ANKRD30B: variants seen among roughly 807,000 people sequenced by gnomAD.
The protein encoded by ANKRD30B is ankyrin repeat domain-containing protein 30B.
In ANKRD30B, 144 loss-of-function variants were observed where a neutral mutation model predicts 202.2. That is an observed-to-expected ratio of 0.71 (90% CI 0.62 to 0.82). The LOEUF (loss-of-function observed/expected upper bound fraction) is 0.82. ANKRD30B is among the 40% of genes least tolerant of loss of function. ANKRD30B has a pLI of 0.00. For missense variants in ANKRD30B, 1,487 were observed against 1,669.1 expected, an observed-to-expected ratio of 0.89 and a Z score of 1.90; for synonymous variants, 508 against 561.3, an observed-to-expected ratio of 0.91 and a Z score of 1.34.
At chr18:14,924,952 T>C in the ANKRD30B span, among the ~76,000 whole-genome samples, 1 of 152,358 alleles carries the variant, frequency 6.6e-6, no homozygotes, top group South Asian at 2.1e-4. Flanking sequence ...AACCTTGCTG[T>C]GCCTTGCTTT....
At chr18:14,822,548 A>T (rs867749286) in intron 31 of ANKRD30B, 37 bp downstream of exon 31, 1 of 1,028,248 alleles carries the variant, frequency 9.7e-7, no homozygotes, top group South Asian at 1.3e-5. Context: ...AATATTAACT[A>T]CTTATTTTAT....
At chr18:14,898,718 G>A in the ANKRD30B span, among the ~76,000 whole-genome samples, 1 of 152,142 alleles carries the variant, frequency 6.6e-6, no homozygotes, top group African/African-American at 2.4e-5. Flanking sequence ...TTAATTGTAG[G>A]TTACCAGTTT....
chr18:14,790,199 A>G (rs1269611188), intron 15 of ANKRD30B, among the ~76,000 whole-genome samples: 1 of 151,962 alleles, frequency 6.6e-6, no homozygotes, highest in Non-Finnish European at 1.5e-5. Context: ...TTTGTCTGTT[A>G]TTGGTGTGTA....
intron 10 of ANKRD30B, among the ~76,000 whole-genome samples, 183 bp downstream of exon 10, chr18:14,778,258 A>T (rs1967506649): frequency 1.3e-5 from 2 of 152,154 alleles, no homozygotes; most frequent in African/African-American, 4.8e-5. Context: ...AGTGCCAAAA[A>T]AGAGCTGAAT....
chr18:14,760,796 T>G (rs1486837603), intron 6 of ANKRD30B, among the ~76,000 whole-genome samples, 178 bp downstream of exon 6: 2 of 152,116 alleles, frequency 1.3e-5, no homozygotes, highest in African/African-American at 2.4e-5. Context: ...TTTTTTAAAT[T>G]TATTATTCAG....
chr18:14,889,439 C>T, the ANKRD30B span, among the ~76,000 whole-genome samples: 1 of 152,128 alleles, frequency 6.6e-6, no homozygotes, highest in Admixed American at 6.6e-5. Flanking sequence ...CTGTTCCAGG[C>T]ATTATACTGA....
At chr18:14,913,747 G>A in the ANKRD30B span, among the ~76,000 whole-genome samples, 1 of 152,178 alleles carries the variant, frequency 6.6e-6, no homozygotes, top group South Asian at 2.1e-4. Context: ...GTGATGGGGT[G>A]AGGGTTTGTC....
rs563060077 is a variant in ANKRD30B at position 14,851,750 on chromosome 18, T to C, written c.3806T>C (p.Val1269Ala). ...RASQYREQLK[V>A]LTAENTMLTS... ...TCTCAGTATAGAGAGCAGCTTAAAG[T>C]TCTGACGGCAGAGAACACGATGCTG... The change falls in exon 42 of 44, where the codon GTT becomes GCT. Residue 1269 changes from valine to alanine, a missense_variant. This residue lies in a region of ANKRD30B where 21 missense variants were observed against 57.2 expected (regional missense o/e 0.37). Transcript: ENST00000690538. 144 of 1,586,144 alleles carry C rather than the reference T, an allele frequency of 9.1e-5. No individual in the cohort carries two copies. Among genetic ancestry groups the C allele is most frequent in the Non-Finnish European group, 1.1e-4 (131 of 1,165,100 alleles).
At chr18:14,889,891 G>A in the ANKRD30B span, 1 of 506,830 alleles carries the variant, frequency 2.0e-6, no homozygotes, top group African/African-American at 2.0e-5. Context: ...TTACACAGTT[G>A]GAGATAAATT....
At chr18:14,931,390 C>G in the ANKRD30B span, among the ~76,000 whole-genome samples, 1 of 152,164 alleles carries the variant, frequency 6.6e-6, no homozygotes, top group Non-Finnish European at 1.5e-5. Flanking sequence ...TGTCAAACAC[C>G]CATTTCTGTT....
chr18:14,929,477 G>T, the ANKRD30B span, among the ~76,000 whole-genome samples: 6 of 152,268 alleles, frequency 3.9e-5, no homozygotes, highest in South Asian at 4.1e-4. Flanking sequence ...GCCTACACGA[G>T]GCCCTTATTC....
At chr18:14,790,957 G>A (rs12326166) in intron 15 of ANKRD30B, among the ~76,000 whole-genome samples, 77,205 of 151,906 alleles carry the variant, frequency 0.51, 19,817 homozygotes, top group Non-Finnish European at 0.53. Flanking sequence ...AATAGTTTCA[G>A]AACGAATGGT....
At chr18:14,846,700 T>G (rs1971652928) in intron 39 of ANKRD30B, among the ~76,000 whole-genome samples, 1 of 152,104 alleles carries the variant, frequency 6.6e-6, no homozygotes, top group African/African-American at 2.4e-5. Context: ...CTGGTAATGT[T>G]TTTGCTGTGA....
chr18:14,833,396 CCG>C (rs1971039252), intron 34 of ANKRD30B, among the ~76,000 whole-genome samples: 1 of 151,094 alleles, frequency 6.6e-6, no homozygotes, highest in Non-Finnish European at 1.5e-5. Flanking sequence ...CTACAGGCAT[CCG>C]CCACCACGCC....
the ANKRD30B span, among the ~76,000 whole-genome samples, chr18:14,934,527 A>C: frequency 6.6e-6 from 1 of 152,138 alleles, no homozygotes; most frequent in African/African-American, 2.4e-5. Flanking sequence ...CTCAGGTTGC[A>C]CTGTTAAAAG....
At chr18:14,895,886 G>A in the ANKRD30B span, among the ~76,000 whole-genome samples, 1 of 152,164 alleles carries the variant, frequency 6.6e-6, no homozygotes, top group East Asian at 1.9e-4. Flanking sequence ...AGGATGAAAA[G>A]CTGAATCACA....
At chr18:14,909,263 C>T in the ANKRD30B span, among the ~76,000 whole-genome samples, 7 of 152,146 alleles carry the variant, frequency 4.6e-5, no homozygotes, top group Non-Finnish European at 1.0e-4. Context: ...TTCCTGTGCT[C>T]CCCAGTGTCC....
chr18:14,769,947 A>G (rs906051262), intron 8 of ANKRD30B, among the ~76,000 whole-genome samples: 4 of 152,208 alleles, frequency 2.6e-5, no homozygotes, highest in African/African-American at 9.6e-5. Context: ...AGGTAAATCT[A>G]TAGATGGATT....
chr18:14,899,229 C>T, the ANKRD30B span, among the ~76,000 whole-genome samples: 1 of 151,940 alleles, frequency 6.6e-6, no homozygotes, highest in African/African-American at 2.4e-5. Flanking sequence ...AACTGTTCCC[C>T]TTCAACAAAT....
Sources: gnomAD v4.1 joint callset for allele counts (sites outside exome capture counted in the v4.1 genomes callset) on GRCh38, gnomAD v4.1.1 for gene constraint, gnomAD v4.1.1 regional missense constraint, MANE v1.5 for transcripts, NCBI Gene and HGNC (gene_info 2026-07-23, HGNC 2026-07-21) for gene names.